Variants in FAM135A observed in about 807,000 individuals in gnomAD.
The protein encoded by FAM135A is protein FAM135A.
Under a neutral mutation model 146.8 loss-of-function variants are expected in FAM135A, and 79 were observed. That is an observed-to-expected ratio of 0.54 (90% CI 0.45 to 0.65). The LOEUF is 0.65. Among genes scored for constraint, FAM135A ranks in the 30% least tolerant of loss-of-function variants. The pLI, the probability that FAM135A is intolerant of heterozygous loss-of-function variation, is 0.00. For synonymous variants in FAM135A, 562 were observed against 603.6 expected, an observed-to-expected ratio of 0.93 and a Z score of 1.01; for missense variants, 1,623 against 1,758.2, an observed-to-expected ratio of 0.92 and a Z score of 1.38.
At chr6:70,435,087 AT>A (rs1772688485) in intron 4 of FAM135A, among the ~76,000 whole-genome samples, 1 of 45,466 alleles carries the variant, frequency 2.2e-5, no homozygotes, top group African/African-American at 9.3e-5. Flanking sequence ...GTGTGTATAT[AT>A]ATATATATAT....
chr6:70,559,570 A>C, intron 21 of FAM135A, 146 bp from the exon 22 acceptor site: 2 of 590,678 alleles, frequency 3.4e-6, no homozygotes, highest in South Asian at 6.4e-5. Flanking sequence ...TTGAAGGAAA[A>C]TTAAACCTTT....
chr6:70,424,863 T>C lies in FAM135A; in HGVS notation c.-133-1576T>C, dbSNP rs574099346. On this transcript the variant is annotated intron_variant, in intron 2 of 21. Transcript: ENST00000418814. ...TTTAATCAATTGTTTTATTTCCACA[T>C]AACAGTGGTTATTAGTATCGTAGTA... 6.6e-5 allele frequency among the ~76,000 whole-genome samples: 10 copies of C among 152,306 alleles called. No individual in the cohort carries two copies. The East Asian group carries it at 1.9e-3, about 29-fold the overall frequency.
chr6:70,430,924 C>T (rs899586459), intron 4 of FAM135A, among the ~76,000 whole-genome samples: 5 of 152,146 alleles, frequency 3.3e-5, no homozygotes, highest in East Asian at 1.9e-4. Context: ...AACCAGTTGG[C>T]GTTTTTGGTA....
intron 2 of FAM135A, among the ~76,000 whole-genome samples, chr6:70,424,304 A>G (rs1207117727): frequency 2.0e-5 from 3 of 152,244 alleles, no homozygotes; most frequent in Admixed American, 1.3e-4. Flanking sequence ...ACCCTAGCTT[A>G]TAATTTATTT....
intron 4 of FAM135A, among the ~76,000 whole-genome samples, chr6:70,435,342 T>A (rs1048996812): frequency 6.6e-6 from 1 of 151,910 alleles, no homozygotes; most frequent in Non-Finnish European, 1.5e-5. Flanking sequence ...TGACCTTAGG[T>A]GATCCGCCCT....
chr6:70,441,460 G>A (rs1774459490), intron 4 of FAM135A, among the ~76,000 whole-genome samples: 1 of 152,066 alleles, frequency 6.6e-6, no homozygotes, highest in Non-Finnish European at 1.5e-5. Flanking sequence ...TGGTTTCTGT[G>A]AATTTCCCAC....
chr6:70,450,368 C>T (rs1054733491), intron 4 of FAM135A, among the ~76,000 whole-genome samples: 6 of 152,060 alleles, frequency 3.9e-5, no homozygotes. Context: ...GAGATTTCCT[C>T]TTGTGTTTTC....
intron 2 of FAM135A, among the ~76,000 whole-genome samples, chr6:70,424,951 A>G (rs1769709187): frequency 6.6e-6 from 1 of 152,088 alleles, no homozygotes; most frequent in Non-Finnish European, 1.5e-5. Context: ...GGATTTTGTT[A>G]TAGCAGTATC....
chr6:70,539,663 T>C (rs1797477561), intron 20 of FAM135A, among the ~76,000 whole-genome samples: 2 of 152,160 alleles, frequency 1.3e-5, no homozygotes, highest in Non-Finnish European at 2.9e-5. Context: ...TCTATTATTC[T>C]TTAATATAAT....
chr6:70,468,482 A>G (rs1173490637), intron 5 of FAM135A, among the ~76,000 whole-genome samples: 1 of 152,172 alleles, frequency 6.6e-6, no homozygotes, highest in Non-Finnish European at 1.5e-5. Context: ...GCCTGCCTCC[A>G]TGTCACTCCC....
At chr6:70,465,246 C>T (rs1035950206) in intron 5 of FAM135A, among the ~76,000 whole-genome samples, 2 of 152,068 alleles carry the variant, frequency 1.3e-5, no homozygotes, top group African/African-American at 4.8e-5. Flanking sequence ...TTAATATGTA[C>T]ATACCACACT....
chr6:70,415,916 A>G (rs944384379), intron 2 of FAM135A, among the ~76,000 whole-genome samples: 3 of 152,220 alleles, frequency 2.0e-5, no homozygotes, highest in African/African-American at 7.2e-5. Flanking sequence ...TCATTTAAAC[A>G]TGCTTAGGGC....
intron 20 of FAM135A, among the ~76,000 whole-genome samples, chr6:70,550,882 A>G (rs1799703001): frequency 1.3e-5 from 2 of 152,236 alleles, no homozygotes; most frequent in Admixed American, 1.3e-4. Context: ...TAGATCTTCC[A>G]GATAACTTGC....
intron 5 of FAM135A, among the ~76,000 whole-genome samples, chr6:70,459,811 C>T (rs987764219): frequency 3.3e-5 from 5 of 152,064 alleles, no homozygotes; most frequent in Non-Finnish European, 7.4e-5. Context: ...GGGCAGATTA[C>T]GAGGTCAGGA....
At chr6:70,421,714 C>T (rs1208316550) in intron 2 of FAM135A, among the ~76,000 whole-genome samples, 3 of 152,160 alleles carry the variant, frequency 2.0e-5, no homozygotes, top group Admixed American at 2.0e-4. Flanking sequence ...CAGTAAGGAG[C>T]CCCATTTGAA....
At position 70,526,563 on chromosome 6, in the gene FAM135A, G is replaced by A. The variant is rs749262279; in HGVS notation, c.3479G>A (p.Arg1160Gln). The change falls in exon 15 of 22, where the codon CGA (arginine) becomes CAA (glutamine). Residue 1160 changes from arginine (R) to glutamine (Q), a missense_variant. Physicochemically the swap from Arg to Gln is conservative, Grantham distance 43. Around this residue, in one of 7 missense-constraint regions of FAM135A, gnomAD observed 1,061 missense variants for 1,113.8 expected, o/e 0.95. Transcript: ENST00000418814. ...TGTTTGTCCTTCCCGTCTGCACCAC[G>A]AGAGTCTCCTTGTAATGTTAAATAT... ...SGCLSFPSAP[R>Q]ESPCNVKYSS... The A allele has an allele frequency of 5.6e-6, 9 of 1,613,422 alleles. No homozygotes were observed. The highest frequency in any genetic ancestry group is 4.0e-5 in the African/African-American group (3 of 74,832).
rs749142691 is a variant in FAM135A, at chr6:70,559,761, T to C, written c.4388T>C (p.Leu1463Pro). Residue 1463 changes from leucine to proline, a missense_variant, in exon 22 of 22, where the codon CTG becomes CCG. Coordinates refer to ENST00000418814, the MANE Select transcript of FAM135A (RefSeq NM_001162529.3). ...ATCCACAACTTGCTTCGACCCGTTC[T>C]GCAAAGCAAGGACTGTAATTTGGTT... is the stretch of plus-strand genomic sequence containing the variant. ...EMIHNLLRPVLQSKDCNLVRY... is the reference protein window; with the variant it reads ...EMIHNLLRPVPQSKDCNLVRY... 6.2e-7 allele frequency: 1 copy of C among 1,614,174 alleles called. No individual in the cohort carries two copies. Among genetic ancestry groups the C allele is most frequent in the Non-Finnish European group, 8.5e-7 (1 of 1,180,018 alleles).
intron 16 of FAM135A, among the ~76,000 whole-genome samples, chr6:70,529,699 T>C (rs1386763312): frequency 6.6e-6 from 1 of 152,088 alleles, no homozygotes; most frequent in East Asian, 1.9e-4. Context: ...AACCTAACCT[T>C]GTTACCAAAT....
intron 12 of FAM135A, among the ~76,000 whole-genome samples, chr6:70,506,897 G>A (rs796199739): frequency 4.6e-5 from 7 of 151,826 alleles, no homozygotes; most frequent in African/African-American, 1.7e-4. Context: ...ATGGTCGCAA[G>A]GATTAGAGGC....
Sources: allele counts gnomAD v4.1 joint callset (sites outside exome capture counted in the v4.1 genomes callset), GRCh38; gene constraint gnomAD v4.1.1; regional missense constraint gnomAD v4.1.1; transcripts MANE v1.5; gene names NCBI Gene and HGNC (gene_info 2026-07-23, HGNC 2026-07-21).